Variants in PPARGC1A observed in about 807,000 individuals in gnomAD.
The protein encoded by PPARGC1A is peroxisome proliferator-activated receptor gamma coactivator 1-alpha.
PPARGC1A carries 25 observed loss-of-function variants against 88.7 expected under a neutral mutation model. The observed-to-expected ratio is 0.28, with a 90% CI of 0.21 to 0.39. The LOEUF is 0.39. PPARGC1A is among the 10% of genes least tolerant of loss of function. PPARGC1A has a pLI of 1.00. For synonymous variants in PPARGC1A, 363 were observed against 355.6 expected (o/e 1.02, Z -0.24); for missense variants, 880 against 968.7 (o/e 0.91, Z 1.22).
the PPARGC1A span, among the ~76,000 whole-genome samples, chr4:24,004,160 T>C: frequency 6.6e-6 from 1 of 152,196 alleles, no homozygotes; most frequent in African/African-American, 2.4e-5. Context: ...TGTGTTGCTA[T>C]AGCAGATTAA....
chr4:24,027,832 C>A, the PPARGC1A span, among the ~76,000 whole-genome samples: 1 of 152,122 alleles, frequency 6.6e-6, no homozygotes, highest in Non-Finnish European at 1.5e-5. Context: ...AGGGAGTAGA[C>A]GATGTCTTGG....
At chr4:24,037,301 A>G in the PPARGC1A span, among the ~76,000 whole-genome samples, 3 of 152,210 alleles carry the variant, frequency 2.0e-5, no homozygotes, top group South Asian at 2.1e-4. Flanking sequence ...GTTAGCTACT[A>G]TTACTATTAT....
At chr4:23,862,541 C>T (rs1731396877) in intron 2 of PPARGC1A, among the ~76,000 whole-genome samples, 1 of 152,170 alleles carries the variant, frequency 6.6e-6, no homozygotes, top group Admixed American at 6.5e-5. Flanking sequence ...GGGCAAGTTA[C>T]TTATTTAAGC....
At chr4:24,431,881 C>T in the PPARGC1A span, among the ~76,000 whole-genome samples, 1 of 152,072 alleles carries the variant, frequency 6.6e-6, no homozygotes, top group African/African-American at 2.4e-5. Flanking sequence ...GAGTTGTCAA[C>T]CAAGGCAATT....
At position 23,875,550 on chromosome 4, in the gene PPARGC1A, G is replaced by A. The variant is rs535515790; in HGVS notation, c.234+9202C>T. Among the ~76,000 whole-genome samples the A allele has an allele frequency of 6.0e-5, 9 of 150,968 alleles. No homozygotes were observed. The South Asian group carries it at 8.4e-4, about 14-fold the overall frequency. The stretch of plus-strand genomic sequence containing the variant: ...ACATTCATTTCTCAGGGACCTTGGC[G>A]GCTCTTATCTCCTTGCTTTTATGAT... On this transcript the variant is annotated intron_variant, in intron 2 of 12. Transcript: ENST00000264867.
chr4:24,072,594 C>T, the PPARGC1A span, among the ~76,000 whole-genome samples: 1 of 151,948 alleles, frequency 6.6e-6, no homozygotes. Context: ...ATCAACAACC[C>T]CCCAAAATTA....
chr4:23,838,337 G>A (rs987624847), intron 2 of PPARGC1A, among the ~76,000 whole-genome samples: 5 of 152,086 alleles, frequency 3.3e-5, no homozygotes, highest in East Asian at 3.9e-4. Flanking sequence ...AAAAGTGGGC[G>A]GACTCCCACA....
At chr4:24,330,703 C>T in the PPARGC1A span, among the ~76,000 whole-genome samples, 3 of 152,106 alleles carry the variant, frequency 2.0e-5, no homozygotes, top group Admixed American at 2.0e-4. Flanking sequence ...CTATTATGAC[C>T]CTGGCTTTAT....
chr4:24,180,001 C>G, the PPARGC1A span, among the ~76,000 whole-genome samples: 1 of 152,114 alleles, frequency 6.6e-6, no homozygotes, highest in Non-Finnish European at 1.5e-5. Flanking sequence ...AGTGTTGTCT[C>G]TCTAGGATGT....
chr4:24,173,882 C>T, the PPARGC1A span, among the ~76,000 whole-genome samples: 1 of 152,176 alleles, frequency 6.6e-6, no homozygotes, highest in Non-Finnish European at 1.5e-5. Flanking sequence ...AATGATAACT[C>T]CACACCATCT....
At chr4:24,066,643 G>A in the PPARGC1A span, among the ~76,000 whole-genome samples, 1 of 152,110 alleles carries the variant, frequency 6.6e-6, no homozygotes, top group Non-Finnish European at 1.5e-5. Flanking sequence ...TCCGATAGGG[G>A]AAAAGGTCCC....
chr4:24,252,081 G>A, the PPARGC1A span, among the ~76,000 whole-genome samples: 457 of 152,136 alleles, frequency 3.0e-3, 3 homozygotes, highest in Non-Finnish European at 4.8e-3. Context: ...ATTTTGGAAG[G>A]AAATCATTCT....
chr4:24,001,934 G>A, the PPARGC1A span, among the ~76,000 whole-genome samples: 2 of 152,088 alleles, frequency 1.3e-5, no homozygotes, highest in African/African-American at 2.4e-5. Context: ...AGATATAATC[G>A]GCCAAATCAT....
At chr4:24,246,255 G>A in the PPARGC1A span, among the ~76,000 whole-genome samples, 3 of 152,062 alleles carry the variant, frequency 2.0e-5, no homozygotes, top group Non-Finnish European at 4.4e-5. Flanking sequence ...TAAAAAAACA[G>A]CTCTCACAAT....
At chr4:24,063,803 T>G in the PPARGC1A span, among the ~76,000 whole-genome samples, 1 of 152,278 alleles carries the variant, frequency 6.6e-6, no homozygotes, top group South Asian at 2.1e-4. Context: ...GTCCTGGGGC[T>G]TTCATTTTTA....
At chr4:24,184,765 A>C in the PPARGC1A span, among the ~76,000 whole-genome samples, 1 of 152,208 alleles carries the variant, frequency 6.6e-6, no homozygotes, top group Non-Finnish European at 1.5e-5. Flanking sequence ...CTGAATCCCA[A>C]TATGGCTCAA....
the PPARGC1A span, among the ~76,000 whole-genome samples, chr4:24,299,139 A>G: frequency 9.8e-5 from 15 of 152,306 alleles, no homozygotes; most frequent in African/African-American, 3.4e-4. Flanking sequence ...AGATACACAG[A>G]TTGAACACAA....
At chr4:24,192,419 C>T in the PPARGC1A span, among the ~76,000 whole-genome samples, 402 of 152,278 alleles carry the variant, frequency 2.6e-3, 19 homozygotes, top group South Asian at 0.075. Context: ...TATTAGATTA[C>T]GTCAGTAGTT....
At chr4:23,947,082 C>G in the PPARGC1A span, among the ~76,000 whole-genome samples, 1 of 151,810 alleles carries the variant, frequency 6.6e-6, no homozygotes, top group African/African-American at 2.4e-5. Context: ...TATCTACTGT[C>G]CCCCCACTGG....
Sources: gnomAD v4.1 joint callset for allele counts (sites outside exome capture counted in the v4.1 genomes callset) on GRCh38, gnomAD v4.1.1 for gene constraint, MANE v1.5 for transcripts, NCBI Gene and HGNC (gene_info 2026-07-23, HGNC 2026-07-21) for gene names.